Variants in PRIM2 observed in about 807,000 individuals in gnomAD.
PRIM2 encodes the protein DNA primase large subunit.
Under a neutral mutation model 67.3 loss-of-function variants are expected in PRIM2, and 39 were observed. That is an observed-to-expected ratio of 0.58 (90% CI 0.45 to 0.76). The LOEUF (loss-of-function observed/expected upper bound fraction) is 0.76, where lower values mean the gene tolerates loss of function less well. Ranked by LOEUF, PRIM2 falls within the 30% of genes least tolerant of loss-of-function variation. The probability of loss-of-function intolerance (pLI) is 0.00; values close to 1 mark genes in which losing one functional copy is unlikely to be tolerated. For synonymous variants in PRIM2, 143 were observed against 198.7 expected (o/e 0.72, Z 2.36); for missense variants, 398 against 598.7 (o/e 0.66, Z 3.50).
intron 10 of PRIM2, among the ~76,000 whole-genome samples, chr6:57,585,367 A>G (rs1460857672): frequency 6.6e-5 from 10 of 152,244 alleles, no homozygotes; most frequent in Admixed American, 2.6e-4. Flanking sequence ...AACAGATTTT[A>G]TTCAGGAACT....
chr6:57,521,817 G>T (rs1158604247), intron 8 of PRIM2, among the ~76,000 whole-genome samples: 1 of 152,170 alleles, frequency 6.6e-6, no homozygotes, highest in Non-Finnish European at 1.5e-5. Flanking sequence ...ATATGTTATT[G>T]TTTTATGAAC....
intron 12 of PRIM2, among the ~76,000 whole-genome samples, chr6:57,626,168 G>T (rs1176649608): frequency 1.3e-5 from 2 of 152,246 alleles, no homozygotes; most frequent in Non-Finnish European, 2.9e-5. Flanking sequence ...CCAAAGATGG[G>T]CAGGTGGCTG....
chr6:57,226,684 T>TA, the PRIM2 span, among the ~76,000 whole-genome samples: 5 of 152,182 alleles, frequency 3.3e-5, no homozygotes, highest in African/African-American at 1.2e-4. Context: ...AGGGAAAACA[T>TA]AGAGTAGTGG....
At chr6:57,333,355 C>G (rs1768120235) in intron 5 of PRIM2, among the ~76,000 whole-genome samples, 1 of 152,160 alleles carries the variant, frequency 6.6e-6, no homozygotes, top group Non-Finnish European at 1.5e-5. Context: ...ATATTGCTTG[C>G]TGAACCTTTT....
the PRIM2 span, among the ~76,000 whole-genome samples, chr6:57,238,209 A>T: frequency 6.6e-6 from 1 of 152,212 alleles, no homozygotes; most frequent in Non-Finnish European, 1.5e-5. Flanking sequence ...TGCACCAAGC[A>T]GACCTAATAG....
chr6:57,447,539 G>T (rs2127388482), intron 7 of PRIM2, among the ~76,000 whole-genome samples: 1 of 152,312 alleles, frequency 6.6e-6, no homozygotes, highest in East Asian at 1.9e-4. Context: ...GGGTAGGAAG[G>T]TGTGATGAAT....
intron 10 of PRIM2, among the ~76,000 whole-genome samples, chr6:57,563,801 C>T (rs1484942525): frequency 6.6e-6 from 1 of 152,090 alleles, no homozygotes; most frequent in African/African-American, 2.4e-5. Flanking sequence ...TCTGGGATTA[C>T]AGGCACACGC....
chr6:57,322,045 G>A lies in PRIM2; in HGVS notation c.258+1485G>A, dbSNP rs1023553568. Among the ~76,000 whole-genome samples the A allele has an allele frequency of 4.6e-5, 7 of 152,230 alleles. No homozygotes were observed. The East Asian group carries it at 9.6e-4, about 21-fold the overall frequency. ...AGGGGCAGAGACCAGAACAATGACA[G>A]TGGTTGGAGAAGGAAGGTGGAGCGG... is the stretch of plus-strand genomic sequence containing the variant. On this transcript the variant is annotated intron_variant, in intron 3 of 13. Transcript: ENST00000615550.
chr6:57,534,823 A>T (rs1387570402), intron 9 of PRIM2, among the ~76,000 whole-genome samples: 2 of 152,112 alleles, frequency 1.3e-5, no homozygotes, highest in Non-Finnish European at 2.9e-5. Context: ...CCTTCTCAGG[A>T]TCTTCATTTC....
At chr6:57,343,850 G>T (rs9396275) in intron 5 of PRIM2, among the ~76,000 whole-genome samples, 2 of 152,086 alleles carry the variant, frequency 1.3e-5, no homozygotes, top group Admixed American at 1.3e-4. Flanking sequence ...GGGAGAGAGA[G>T]AAGCTGAAGT....
intron 5 of PRIM2, among the ~76,000 whole-genome samples, chr6:57,328,075 C>T (rs1414948715): frequency 1.3e-5 from 2 of 152,166 alleles, no homozygotes; most frequent in Non-Finnish European, 2.9e-5. Context: ...CACTGCTCAC[C>T]TCCTGTGCAG....
At chr6:57,362,641 T>C (rs1223764783) in intron 5 of PRIM2, among the ~76,000 whole-genome samples, 1 of 152,152 alleles carries the variant, frequency 6.6e-6, no homozygotes, top group Non-Finnish European at 1.5e-5. Context: ...AGTTTTCTAC[T>C]GGGCTACATT....
intron 7 of PRIM2, among the ~76,000 whole-genome samples, chr6:57,502,468 G>GA (rs1306909412): frequency 6.6e-6 from 1 of 152,172 alleles, no homozygotes; most frequent in Non-Finnish European, 1.5e-5. Flanking sequence ...TCCGATGCCG[G>GA]AAAGCTCCAC....
chr6:57,426,223 G>A (rs1221651860), intron 7 of PRIM2, among the ~76,000 whole-genome samples: 1 of 152,158 alleles, frequency 6.6e-6, no homozygotes, highest in East Asian at 1.9e-4. Context: ...ATATAACCTT[G>A]TGCTTTTTGT....
chr6:57,512,131 A>G (rs1273263193), intron 8 of PRIM2, among the ~76,000 whole-genome samples: 1 of 152,128 alleles, frequency 6.6e-6, no homozygotes, highest in Non-Finnish European at 1.5e-5. Context: ...TAGTGGTATG[A>G]TGGGTGCTAA....
intron 5 of PRIM2, among the ~76,000 whole-genome samples, chr6:57,336,543 G>T (rs1005527749): frequency 5.3e-5 from 8 of 152,142 alleles, no homozygotes; most frequent in Admixed American, 3.9e-4. Context: ...GAAGAGAGTG[G>T]GGGCCAATAT....
chr6:57,420,169 A>T (rs1434653788), intron 7 of PRIM2, among the ~76,000 whole-genome samples: 2 of 152,154 alleles, frequency 1.3e-5, no homozygotes. Flanking sequence ...CCTGTTTTAG[A>T]ACTAATTAGT....
the PRIM2 span, among the ~76,000 whole-genome samples, chr6:57,293,886 A>G: frequency 9.9e-5 from 15 of 152,166 alleles, no homozygotes; most frequent in Non-Finnish European, 1.8e-4. Flanking sequence ...TGATGGGTGC[A>G]GCAAACCAAC....
Position 57,343,995 on chromosome 6 carries a change from G to C in PRIM2, c.459+17950G>C, listed in dbSNP as rs9382705. Among the ~76,000 whole-genome samples the C allele has an allele frequency of 5.3e-5, 8 of 152,246 alleles. No individual in the cohort carries two copies. In the East Asian group the frequency reaches 5.8e-4, roughly 11 times the overall value. On this transcript the variant is annotated intron_variant, in intron 5 of 13. Transcript: ENST00000615550. ...CATAAGATATTAAAGATGGTCAGAC[G>C]AAGGGTGGGGGATTTTCCCTAAACT...
Sources: gnomAD v4.1 joint callset for allele counts (sites outside exome capture counted in the v4.1 genomes callset) on GRCh38, gnomAD v4.1.1 for gene constraint, MANE v1.5 for transcripts, NCBI Gene and HGNC (gene_info 2026-07-23, HGNC 2026-07-21) for gene names.